Variants in GABRG3 observed in about 807,000 individuals in gnomAD.
GABRG3 encodes the protein gamma-aminobutyric acid type A receptor subunit gamma3, also known as gamma-aminobutyric acid receptor subunit gamma-3.
In GABRG3, 25 loss-of-function variants were observed where a neutral mutation model predicts 48.8. The ratio of observed to expected loss-of-function variants is 0.51; its 90% CI spans 0.37 to 0.72. The LOEUF (loss-of-function observed/expected upper bound fraction) is 0.72. GABRG3 is among the 30% of genes least tolerant of loss of function. The pLI is 0.00. For synonymous variants in GABRG3, 227 were observed against 217.6 expected, an observed-to-expected ratio of 1.04 and a Z score of -0.38; for missense variants, 394 against 577.9, an observed-to-expected ratio of 0.68 and a Z score of 3.26.
In GABRG3 at chr15:27,179,162, T is replaced by C. The variant is rs1321079757; in HGVS notation, c.271-147647T>C. On this transcript the variant is annotated intron_variant, in intron 3 of 9. Coordinates refer to ENST00000615808, the MANE Select transcript of GABRG3 (RefSeq NM_033223.5). The surrounding 1 kb of genome is among the most constrained non-coding windows in gnomAD (Gnocchi z 4.0). The stretch of plus-strand genomic sequence containing the variant: ...ATGGAAGCTTACAAGTCAGAAATTA[T>C]GAAAATCCTCTTCAGAAATTCTAAT... Among the ~76,000 whole-genome samples, 1 of 152,202 alleles carries C rather than the reference T, an allele frequency of 6.6e-6. No individual in the cohort carries two copies. The highest frequency in any genetic ancestry group is 1.5e-5 in the Non-Finnish European group (1 of 68,028).
At chr15:27,282,946 G>A (rs577841197) in intron 3 of GABRG3, among the ~76,000 whole-genome samples, 5 of 152,240 alleles carry the variant, frequency 3.3e-5, no homozygotes, top group South Asian at 4.1e-4. Flanking sequence ...GGTGGAGACG[G>A]TTCAGGCTAC....
chr15:27,287,485 A>G (rs1010434777), intron 3 of GABRG3, among the ~76,000 whole-genome samples: 5 of 152,346 alleles, frequency 3.3e-5, no homozygotes, highest in African/African-American at 4.8e-5. Flanking sequence ...AGGAACTCGT[A>G]TATCTTCCTG....
intron 3 of GABRG3, among the ~76,000 whole-genome samples, chr15:27,161,624 G>C (rs1357104107): frequency 6.6e-6 from 1 of 151,982 alleles, no homozygotes; most frequent in East Asian, 1.9e-4. Context: ...ATTTGTATTT[G>C]CTTTTTTCTT....
At chr15:27,478,106 G>T (rs1055060915) in intron 5 of GABRG3, among the ~76,000 whole-genome samples, 15 of 151,268 alleles carry the variant, frequency 9.9e-5, no homozygotes, top group African/African-American at 3.6e-4. Context: ...ATGCGCCATT[G>T]CGAATGTACT....
intron 3 of GABRG3, among the ~76,000 whole-genome samples, chr15:27,290,123 C>T (rs1444291462): frequency 1.3e-5 from 2 of 152,004 alleles, no homozygotes; most frequent in East Asian, 1.9e-4. Context: ...GGAGGTATGT[C>T]GGAGCCAGCT....
intron 3 of GABRG3, among the ~76,000 whole-genome samples, chr15:27,270,418 C>G (rs1398443367): frequency 6.6e-6 from 1 of 152,098 alleles, no homozygotes; most frequent in African/African-American, 2.4e-5. Context: ...TTGTTCGACT[C>G]AGAAATCATA....
chr15:27,107,268 G>C (rs559048584), intron 3 of GABRG3, among the ~76,000 whole-genome samples: 15 of 152,136 alleles, frequency 9.9e-5, no homozygotes, highest in Non-Finnish European at 1.6e-4. Flanking sequence ...CTTCATGAAT[G>C]AGTGTTCAGT....
intron 5 of GABRG3, among the ~76,000 whole-genome samples, chr15:27,425,239 A>C (rs1888254938): frequency 6.6e-6 from 1 of 152,078 alleles, no homozygotes; most frequent in Non-Finnish European, 1.5e-5. Context: ...TTTGCTGTAT[A>C]GACTCTAACC....
chr15:27,288,027 G>A (rs1204141127), intron 3 of GABRG3, among the ~76,000 whole-genome samples: 3 of 152,084 alleles, frequency 2.0e-5, no homozygotes, highest in South Asian at 2.1e-4. Flanking sequence ...GTGAGCCACC[G>A]TGCCTGGCCA....
chr15:27,197,476 T>C (rs1358643001), intron 3 of GABRG3, among the ~76,000 whole-genome samples: 2 of 151,938 alleles, frequency 1.3e-5, no homozygotes, highest in Non-Finnish European at 2.9e-5. Flanking sequence ...GCTATTTTTT[T>C]TTTTTTTTTA....
At chr15:27,462,244 C>T (rs974651598) in intron 5 of GABRG3, among the ~76,000 whole-genome samples, 4 of 152,178 alleles carry the variant, frequency 2.6e-5, no homozygotes, top group African/African-American at 9.7e-5. Flanking sequence ...TTATCAGCAT[C>T]TGCCTGTGTG....
chr15:27,196,305 C>T (rs1001338541), intron 3 of GABRG3, among the ~76,000 whole-genome samples: 2 of 152,148 alleles, frequency 1.3e-5, no homozygotes, highest in African/African-American at 2.4e-5. Flanking sequence ...TGCTCCCCTG[C>T]TCCCCTCAGC....
intron 2 of GABRG3, among the ~76,000 whole-genome samples, chr15:26,980,457 C>G (rs1351861597): frequency 6.6e-6 from 1 of 151,972 alleles, no homozygotes; most frequent in Non-Finnish European, 1.5e-5. Context: ...GCAGGAGGAT[C>G]ACGAGGTCAG....
chr15:27,064,330 TC>T (rs1896701217), intron 3 of GABRG3, among the ~76,000 whole-genome samples: 1 of 151,962 alleles, frequency 6.6e-6, no homozygotes, highest in African/African-American at 2.4e-5. Context: ...GGTGTGAGAG[TC>T]CCTCCAGGCC....
At chr15:27,174,588 C>CTT (rs1349839048) in intron 3 of GABRG3, among the ~76,000 whole-genome samples, 3 of 100,386 alleles carry the variant, frequency 3.0e-5, no homozygotes, top group Non-Finnish European at 6.4e-5. Flanking sequence ...TCTCTCGTCT[C>CTT]TCTCTCTCTC....
At chr15:27,131,503 A>T (rs1897915939) in intron 3 of GABRG3, among the ~76,000 whole-genome samples, 1 of 152,034 alleles carries the variant, frequency 6.6e-6, no homozygotes, top group South Asian at 2.1e-4. Flanking sequence ...TTGTCTTCTT[A>T]GAGTGTCTTT....
At chr15:27,189,091 C>A (rs1421146190) in intron 3 of GABRG3, among the ~76,000 whole-genome samples, 1 of 152,080 alleles carries the variant, frequency 6.6e-6, no homozygotes, top group Non-Finnish European at 1.5e-5. Context: ...ATCTATATCT[C>A]TGTTTTGGTA....
chr15:27,419,881 T>C (rs34757983), intron 5 of GABRG3, among the ~76,000 whole-genome samples: 6,986 of 152,232 alleles, frequency 0.046, 223 homozygotes, highest in East Asian at 0.12. Flanking sequence ...CAAAAATGTA[T>C]AGGATAGACT....
Position 27,532,992 on chromosome 15 carries a change from A to T in GABRG3, c.*111A>T. 1.0e-6 allele frequency: 1 copy of T among 998,986 alleles called. No homozygotes were observed. The highest frequency in any genetic ancestry group is 1.4e-6 in the Non-Finnish European group (1 of 690,512). 61.9% of individuals were successfully genotyped at this position (998,986 alleles called of 1,614,324 possible). A position where few individuals can be genotyped will look rare whatever the true frequency, so the allele number is the denominator to read the frequency against. ...AGCAAGGAAGGACACTGCCCAGTGTATCTTGTTATAAATGACCTTTCAGCA... is the reference window on the plus strand; with the variant it reads ...AGCAAGGAAGGACACTGCCCAGTGTTTCTTGTTATAAATGACCTTTCAGCA... On this transcript the variant is annotated 3_prime_UTR_variant, in exon 10 of 10. Coordinates refer to ENST00000615808, the MANE Select transcript of GABRG3 (RefSeq NM_033223.5).
Sources: gnomAD v4.1 joint callset for allele counts (sites outside exome capture counted in the v4.1 genomes callset) on GRCh38, gnomAD v4.1.1 for gene constraint, Gnocchi (gnomAD v3.1) non-coding constraint, MANE v1.5 for transcripts, NCBI Gene and HGNC (gene_info 2026-07-23, HGNC 2026-07-21) for gene names.